The following NAV3 variants were observed in gnomAD, a reference collection of about 807,000 sequenced individuals.
NAV3 encodes the protein pore membrane and/or filament interacting like protein 1.
In NAV3, 87 loss-of-function variants were observed where a neutral mutation model predicts 244.7. That is an observed-to-expected ratio of 0.36 (90% CI 0.30 to 0.42). NAV3 has a LOEUF of 0.42. Among genes scored for constraint, NAV3 ranks in the 20% least tolerant of loss-of-function variants. The probability of loss-of-function intolerance (pLI) is 1.00; values close to 1 mark genes in which losing one functional copy is unlikely to be tolerated. For missense variants in NAV3, 2,663 were observed against 2,893.3 expected, an observed-to-expected ratio of 0.92 and a Z score of 1.83; for synonymous variants, 1,126 against 1,042.2, an observed-to-expected ratio of 1.08 and a Z score of -1.55.
intron 2 of NAV3, chr12:77,572,308 T>G (rs2136643163): frequency 6.5e-6 from 1 of 154,426 alleles, no homozygotes; most frequent in East Asian, 1.9e-4. Context: ...TTGTTTACAC[T>G]TAAAGAGAAT....
chr12:77,583,050 C>G (rs1483063162), intron 2 of NAV3, among the ~76,000 whole-genome samples: 1 of 152,184 alleles, frequency 6.6e-6, no homozygotes, highest in Non-Finnish European at 1.5e-5. Flanking sequence ...ACAAACATTA[C>G]ACTTTCCTAA....
At chr12:78,136,876 C>T (rs1034581570) in intron 18 of NAV3, among the ~76,000 whole-genome samples, 1 of 152,126 alleles carries the variant, frequency 6.6e-6, no homozygotes, top group Non-Finnish European at 1.5e-5. Flanking sequence ...TTCTTCATAA[C>T]AGGTAGCAGA....
chr12:77,705,997 C>T (rs1317465430), intron 2 of NAV3, among the ~76,000 whole-genome samples: 1 of 151,314 alleles, frequency 6.6e-6, no homozygotes, highest in Admixed American at 6.6e-5. Flanking sequence ...TTTCCCTTCA[C>T]AGCTATTGTA....
intron 2 of NAV3, among the ~76,000 whole-genome samples, chr12:77,674,371 A>C (rs1415809665): frequency 6.6e-6 from 1 of 151,726 alleles, no homozygotes; most frequent in Non-Finnish European, 1.5e-5. Flanking sequence ...CACCAAATGG[A>C]GATATTTTCA....
At chr12:77,991,132 T>G (rs993969967) in intron 5 of NAV3, among the ~76,000 whole-genome samples, 3 of 152,058 alleles carry the variant, frequency 2.0e-5, no homozygotes, top group African/African-American at 2.4e-5. Flanking sequence ...TTCAAGCAAT[T>G]CTCCTGCCTC....
intron 5 of NAV3, among the ~76,000 whole-genome samples, chr12:77,993,743 C>T (rs1166468358): frequency 6.6e-6 from 1 of 152,172 alleles, no homozygotes; most frequent in Non-Finnish European, 1.5e-5. Context: ...GCAATTGGAT[C>T]AACTACATCA....
intron 3 of NAV3, among the ~76,000 whole-genome samples, chr12:77,959,242 A>C (rs1222019289): frequency 6.6e-6 from 1 of 152,126 alleles, no homozygotes; most frequent in African/African-American, 2.4e-5. Context: ...ATTCTGATTA[A>C]ACTTTTGAGT....
At chr12:77,816,029 G>A (rs1370379335) in intron 2 of NAV3, among the ~76,000 whole-genome samples, 2 of 152,114 alleles carry the variant, frequency 1.3e-5, no homozygotes, top group African/African-American at 2.4e-5. Flanking sequence ...GGAGTACTGG[G>A]AAATACAAGA....
At chr12:77,634,839 G>A (rs1230781338) in intron 2 of NAV3, among the ~76,000 whole-genome samples, 1 of 152,084 alleles carries the variant, frequency 6.6e-6, no homozygotes, top group Non-Finnish European at 1.5e-5. Flanking sequence ...AAAACAATGA[G>A]AAAATATATC....
At chr12:77,954,128 T>C (rs1236022719) in intron 3 of NAV3, among the ~76,000 whole-genome samples, 1 of 152,162 alleles carries the variant, frequency 6.6e-6, no homozygotes, top group African/African-American at 2.4e-5. Context: ...TAAAATGCAT[T>C]GGATATTTGA....
At position 78,159,122 on chromosome 12, in the gene NAV3, G is replaced by A. The variant is rs905867079; in HGVS notation, c.4786-81G>A. 6.9e-6 allele frequency: 8 copies of A among 1,166,730 alleles called. No individual in the cohort carries two copies. The South Asian group carries it at 1.1e-4, about 16-fold the overall frequency. The allele number at this position is 1,166,730 out of a possible 1,614,324, so 72.3% of individuals were successfully genotyped here. On this transcript the variant is annotated intron_variant, in intron 22 of 39. Transcript: ENST00000397909. ...AAAGAGTTGGAACACATGAAATTAA[G>A]CATTTTGTAAAATGAAGGCTTTTCA... is the stretch of plus-strand genomic sequence containing the variant.
At chr12:77,868,780 A>C (rs928641133) in intron 1 of NAV3, among the ~76,000 whole-genome samples, 2 of 150,956 alleles carry the variant, frequency 1.3e-5, no homozygotes, top group Admixed American at 1.3e-4. Flanking sequence ...AAGAAAAAAA[A>C]ACTTAGAGGC....
At chr12:77,638,481 A>G (rs958827566) in intron 2 of NAV3, among the ~76,000 whole-genome samples, 2 of 152,224 alleles carry the variant, frequency 1.3e-5, no homozygotes, top group Non-Finnish European at 2.9e-5. Flanking sequence ...GCAGTGCTGC[A>G]TCTGCTTTCT....
At chr12:77,605,842 G>GAAA (rs34707696) in intron 2 of NAV3, among the ~76,000 whole-genome samples, 1 of 139,726 alleles carries the variant, frequency 7.2e-6, no homozygotes, top group Admixed American at 7.2e-5. Flanking sequence ...TCCGTCTCAA[G>GAAA]AAAAAAAAAA....
intron 2 of NAV3, among the ~76,000 whole-genome samples, chr12:77,761,537 G>A (rs932778193): frequency 6.6e-6 from 1 of 152,012 alleles, no homozygotes; most frequent in African/African-American, 2.4e-5. Flanking sequence ...ATCTGACAAA[G>A]GATAATATCC....
chr12:78,184,927 T>G (rs1034416418), intron 30 of NAV3, among the ~76,000 whole-genome samples: 1 of 151,828 alleles, frequency 6.6e-6, no homozygotes, highest in Non-Finnish European at 1.5e-5. Flanking sequence ...AAGTTAATCT[T>G]TAATCACCAT....
At chr12:77,644,335 G>GA (rs1255637183) in intron 2 of NAV3, among the ~76,000 whole-genome samples, 9 of 152,058 alleles carry the variant, frequency 5.9e-5, no homozygotes, top group Non-Finnish European at 1.2e-4. Flanking sequence ...AGAAGTAAAT[G>GA]AAACAACAAG....
chr12:78,073,704 T>C (rs1952898387), intron 12 of NAV3, among the ~76,000 whole-genome samples: 1 of 152,084 alleles, frequency 6.6e-6, no homozygotes, highest in East Asian at 1.9e-4. Context: ...AAAGTTCATA[T>C]GGAACCAAAA....
At chr12:77,715,730 G>A (rs1353666578) in intron 2 of NAV3, among the ~76,000 whole-genome samples, 1 of 151,940 alleles carries the variant, frequency 6.6e-6, no homozygotes, top group Non-Finnish European at 1.5e-5. Context: ...GCACATACAG[G>A]CTGAGTATCA....
Sources: allele counts gnomAD v4.1 joint callset (sites outside exome capture counted in the v4.1 genomes callset), GRCh38; gene constraint gnomAD v4.1.1; transcripts MANE v1.5; gene names NCBI Gene and HGNC (gene_info 2026-07-23, HGNC 2026-07-21).